TTN: variants seen among roughly 807,000 people sequenced by gnomAD.
The protein encoded by TTN is connectin.
A neutral mutation model predicts 3,223.0 loss-of-function variants in TTN; 1,525 were observed. The observed-to-expected ratio is 0.47, with a 90% CI of 0.45 to 0.49. TTN has a LOEUF of 0.49. TTN is among the 20% of genes least tolerant of loss of function. The pLI is 0.00. For missense variants in TTN, 40,786 were observed against 43,424.0 expected, an observed-to-expected ratio of 0.94 and a Z score of 5.40; for synonymous variants, 14,094 against 15,161.0, an observed-to-expected ratio of 0.93 and a Z score of 5.17.
At chr2:178,745,851 T>C in intron 47 of TTN, 4 of 1,613,118 alleles carry the variant, frequency 2.5e-6, no homozygotes, top group Non-Finnish European at 2.5e-6. Flanking sequence ...ATACCTTTGA[T>C]AAACCTGGGA....
rs2060279171 is a variant in TTN at position 178,635,148 on chromosome 2, A to T, written c.42024+17T>A. 2 of 1,608,540 alleles carry T rather than the reference A, an allele frequency of 1.2e-6. No homozygotes were observed. Among genetic ancestry groups the T allele is most frequent in the Non-Finnish European group, 1.7e-6 (2 of 1,178,388 alleles). On this transcript the variant is annotated intron_variant, in intron 228 of 362. Coordinates refer to ENST00000589042, the MANE Select transcript of TTN (RefSeq NM_001267550.2). ...TTATTTTATATGACTAACAATTTAA[A>T]ATGTGAAATTACTCACAGGTGAGGG... is the stretch of plus-strand genomic sequence containing the variant.
In TTN at chr2:178,652,499, G is replaced by A; in HGVS notation, c.39086C>T (p.Pro13029Leu). The change falls in exon 202 of 363, where the codon CCA becomes CTA. Residue 13029 changes from proline (P) to leucine (L), a missense_variant. Coordinates refer to ENST00000589042, the MANE Select transcript of TTN (RefSeq NM_001267550.2). ...TTCAGGCTTTTTAGGAGGAGCCGCT[G>A]GCACTTTCTTTTCAGGAACAACTTC... ...PKEVVPEKKV[P>L]AAPPKKPEVT... 2 of 1,613,580 alleles carry A rather than the reference G, an allele frequency of 1.2e-6. No individual in the cohort carries two copies. The highest frequency in any genetic ancestry group is 1.1e-5 in the South Asian group (1 of 91,070).
chr2:178,707,658 T>G lies in TTN; in HGVS notation c.28909A>C (p.Ser9637Arg), dbSNP rs1160550023. The G allele has an allele frequency of 6.2e-7, 1 of 1,613,806 alleles. No homozygotes were observed. The highest frequency in any genetic ancestry group is 8.5e-7 in the Non-Finnish European group (1 of 1,179,856). ...GCTGTCCCACTAGCAAAGCTGAAGC[T>G]GCATCTGTCTGAAGGCTTTATTTCC... ...GREIKPSDRC[S>R]FSFASGTAVL... is the part of the protein sequence containing the mutation. The change falls in exon 100 of 363, where the codon AGC becomes CGC. Residue 9637 changes from serine (S) to arginine (R), a missense_variant. Coordinates refer to ENST00000589042, the MANE Select transcript of TTN (RefSeq NM_001267550.2).
At chr2:178,640,429 G>A in intron 221 of TTN, 112 bp downstream of exon 221, 1 of 984,810 alleles carries the variant, frequency 1.0e-6, no homozygotes, top group East Asian at 2.5e-5. Flanking sequence ...TAAGCCATAT[G>A]TGATTAACAG....
chr2:178,547,099 C>T lies in TTN; in HGVS notation c.94426G>A (p.Gly31476Arg), dbSNP rs1481659337. 6.2e-7 allele frequency: 1 copy of T among 1,613,790 alleles called. No individual in the cohort carries two copies. Among genetic ancestry groups the T allele is most frequent in the Non-Finnish European group, 8.5e-7 (1 of 1,179,758 alleles). The change falls in exon 340 of 363, where the codon GGA (glycine) becomes AGA (arginine). Residue 31476 changes from glycine (G) to arginine (R), a missense_variant. Coordinates refer to ENST00000589042, the MANE Select transcript of TTN (RefSeq NM_001267550.2). ...CNYKVTGLVE[G>R]LEYQFRTYAL... The stretch of plus-strand genomic sequence containing the variant: ...TAAGTTCTGAACTGATATTCCAGTC[C>T]TTCTACTAAACCAGTTACTTTGTAG...
chr2:178,531,135 C>G lies in TTN; in HGVS notation c.105480G>C (p.Val35160=), dbSNP rs1365299395. Residue 35160 remains valine (V), a synonymous_variant, in exon 358 of 363, where the codon GTG becomes GTC. Coordinates refer to ENST00000589042, the MANE Select transcript of TTN (RefSeq NM_001267550.2). ...GCACTTGTCCTTTACGCAGCCAGGTCACAGTTGGTACCGGCTCACCATCGG... is the reference window on the plus strand; with the variant it reads ...GCACTTGTCCTTTACGCAGCCAGGTGACAGTTGGTACCGGCTCACCATCGG... ...CDTDGEPVPT[V]TWLRKGQVLS... 6.2e-7 allele frequency: 1 copy of G among 1,613,958 alleles called. No individual in the cohort carries two copies. The highest frequency in any genetic ancestry group is 2.2e-5 in the East Asian group (1 of 44,876).
At chr2:178,722,624 A>G (rs1049441542) in intron 76 of TTN, 35 bp downstream of exon 76, 18 of 1,593,288 alleles carry the variant, frequency 1.1e-5, no homozygotes, top group Non-Finnish European at 1.5e-5. Flanking sequence ...GAGTTAAGGA[A>G]AAAAGAATTT....
chr2:178,683,557 A>G (rs1290240280), intron 133 of TTN, among the ~76,000 whole-genome samples: 1 of 152,088 alleles, frequency 6.6e-6, no homozygotes, highest in Non-Finnish European at 1.5e-5. Flanking sequence ...ATAAATAATG[A>G]CTATCAAACT....
At chr2:178,649,705 C>A (rs890557609) in intron 211 of TTN, 74 bp from the exon 212 acceptor site, 2 of 1,540,034 alleles carry the variant, frequency 1.3e-6, no homozygotes, top group African/African-American at 2.7e-5. Flanking sequence ...TTATTCAACA[C>A]TGTAACATAT....
At position 178,722,536 on chromosome 2, in the gene TTN, G is replaced by T; in HGVS notation, c.22251C>A (p.Leu7417=). ...KTVFRIQERQ[L]PPSFARQLKD... Reference sequence around the variant, plus strand: ...TTAATTGTCTTGCAAAAGAAGGTGGGAGTTGGCGCTCTGTAGGGAGACATG... The same window carrying T: ...TTAATTGTCTTGCAAAAGAAGGTGGTAGTTGGCGCTCTGTAGGGAGACATG... The change falls in exon 77 of 363, where the codon CTC becomes CTA. Residue 7417 remains leucine, a synonymous_variant. Coordinates refer to ENST00000589042, the MANE Select transcript of TTN (RefSeq NM_001267550.2). The T allele has an allele frequency of 6.2e-7, 1 of 1,611,638 alleles. No homozygotes were observed. Among genetic ancestry groups the T allele is most frequent in the East Asian group, 2.2e-5 (1 of 44,840 alleles).
Position 178,652,949 on chromosome 2 carries a change from A to G in TTN, c.38876-18T>C. Reference sequence around the variant, plus strand: ...CTCTGGCACTTAAAAGATATTAGTGAAATTACATTTAGAAGTTTGAAGACC... The same window carrying G: ...CTCTGGCACTTAAAAGATATTAGTGGAATTACATTTAGAAGTTTGAAGACC... On this transcript the variant is annotated intron_variant, in intron 199 of 362. Transcript: ENST00000589042. 1 of 1,603,494 alleles carries G rather than the reference A, an allele frequency of 6.2e-7. No individual in the cohort carries two copies. The highest frequency in any genetic ancestry group is 8.5e-7 in the Non-Finnish European group (1 of 1,176,652).
chr2:178,684,453 T>C (rs1384607209), intron 131 of TTN, 40 bp from the exon 132 acceptor site: 1 of 1,590,052 alleles, frequency 6.3e-7, no homozygotes, highest in Admixed American at 1.7e-5. Flanking sequence ...TATATCAAAG[T>C]GGACGTAAAA....
chr2:178,750,240 C>T, intron 47 of TTN: 2 of 1,613,244 alleles, frequency 1.2e-6, no homozygotes, highest in Non-Finnish European at 1.7e-6. Context: ...TCTTCCTCAT[C>T]CAAGTAGTCA....
chr2:178,584,212 G>T (rs896274867), intron 311 of TTN, 64 bp downstream of exon 311: 106 of 1,496,152 alleles, frequency 7.1e-5, no homozygotes, highest in Non-Finnish European at 9.0e-5. Flanking sequence ...CTTAGACTCC[G>T]AGATTTAAAT....
chr2:178,724,171 CATG>C (rs1432034059), intron 72 of TTN, 28 bp from the exon 73 acceptor site: 9 of 1,590,330 alleles, frequency 5.7e-6, no homozygotes, highest in Non-Finnish European at 7.7e-6. Context: ...AGAGACTCAT[CATG>C]ATTTGAAAGA....
chr2:178,780,303 A>T (rs1192303087), intron 21 of TTN, 98 bp from the exon 22 acceptor site: 1 of 1,071,248 alleles, frequency 9.3e-7, no homozygotes, highest in Non-Finnish European at 1.4e-6. Context: ...GAAAGTTGAT[A>T]ACCAAAAACC....
Position 178,530,762 on chromosome 2 carries a change from G to T in TTN, c.105853C>A (p.Pro35285Thr). 1 of 1,613,766 alleles carries T rather than the reference G, an allele frequency of 6.2e-7. No homozygotes were observed. The highest frequency in any genetic ancestry group is 8.5e-7 in the Non-Finnish European group (1 of 1,179,844). Residue 35285 changes from proline (P) to threonine (T), a missense_variant, in exon 358 of 363, where the codon CCA becomes ACA. By Grantham distance (38) the Pro-to-Thr change is conservative. Transcript: ENST00000589042. ...TTCAGGAACTGAGTAATCTTTGGTG[G>T]GGCAGAGACTGGGAGGTGCTGAACT... The part of the protein sequence containing the change: ...EKVQHLPVSA[P>T]PKITQFLKAE...
At position 178,565,076 on chromosome 2, in the gene TTN, G is replaced by C. The variant is rs531674020; in HGVS notation, c.81056C>G (p.Thr27019Ser). Residue 27019 changes from threonine (T) to serine (S), a missense_variant, in exon 326 of 363, where the codon ACT becomes AGT. By Grantham distance (58) the Thr-to-Ser change is moderately conservative. Transcript: ENST00000589042. ...AACTGTTGCTGATACCATGTGCCAA[G>C]TGGTGGTGGTTGTATCTCGCTTCTC... ...IVEKRDTTTT[T>S]WHMVSATVAR... is the part of the protein sequence containing the mutation. 5.6e-6 allele frequency: 9 copies of C among 1,613,546 alleles called. No homozygotes were observed. Among genetic ancestry groups the C allele is most frequent in the Non-Finnish European group, 7.6e-6 (9 of 1,179,678 alleles).
At chr2:178,545,269 G>T in intron 344 of TTN, 119 bp downstream of exon 344, 3 of 867,118 alleles carry the variant, frequency 3.5e-6, no homozygotes, top group South Asian at 3.2e-5. Flanking sequence ...ATGCAAATAA[G>T]CATGTGCTTT....
Sources: allele counts gnomAD v4.1 joint callset (sites outside exome capture counted in the v4.1 genomes callset), GRCh38; gene constraint gnomAD v4.1.1; transcripts MANE v1.5; gene names NCBI Gene and HGNC (gene_info 2026-07-23, HGNC 2026-07-21).